OR9Q1: variants seen among roughly 807,000 people sequenced by gnomAD.
The protein encoded by OR9Q1 is olfactory receptor 9Q1.
For synonymous variants in OR9Q1, 153 were observed against 148.6 expected (o/e 1.03, Z -0.22); for missense variants, 374 against 378.8 (o/e 0.99, Z 0.11).
chr11:58,137,906 C>T (rs1219085255), intron 2 of OR9Q1, among the ~76,000 whole-genome samples: 1 of 152,170 alleles, frequency 6.6e-6, no homozygotes, highest in Non-Finnish European at 1.5e-5. Context: ...CATAGATACT[C>T]TTTTCCTCTG....
At chr11:58,111,591 G>T (rs1853899505) in intron 2 of OR9Q1, among the ~76,000 whole-genome samples, 1 of 152,124 alleles carries the variant, frequency 6.6e-6, no homozygotes, top group Admixed American at 6.5e-5. Flanking sequence ...GGAGTGGCCA[G>T]TACATAAATT....
chr11:58,129,949 G>A (rs1000142453), intron 2 of OR9Q1, among the ~76,000 whole-genome samples: 3 of 151,826 alleles, frequency 2.0e-5, no homozygotes, highest in Non-Finnish European at 4.4e-5. Context: ...TAAGTTCTGG[G>A]ATACATATGC....
At chr11:58,166,128 A>G (rs1318186353) in intron 2 of OR9Q1, among the ~76,000 whole-genome samples, 1 of 152,260 alleles carries the variant, frequency 6.6e-6, no homozygotes, top group Non-Finnish European at 1.5e-5. Context: ...CATTGAGTGC[A>G]CAGCCTAGGA....
chr11:58,024,848 A>T lies in OR9Q1; in HGVS notation c.-93+744A>T, dbSNP rs1367184160. 4.6e-5 allele frequency among the ~76,000 whole-genome samples: 7 copies of T among 152,084 alleles called. No individual in the cohort carries two copies. The East Asian group carries it at 1.4e-3, about 30-fold the overall frequency. On this transcript the variant is annotated intron_variant, in intron 1 of 2. Transcript: ENST00000335397. ...TTGGCGGGGCTCCGAGCTGCAGGGA[A>T]ATTAACCTCAGAGTCAGGGCAGGGA...
chr11:58,138,819 T>G (rs1311582077), intron 2 of OR9Q1, among the ~76,000 whole-genome samples: 1 of 152,214 alleles, frequency 6.6e-6, no homozygotes, highest in Non-Finnish European at 1.5e-5. Context: ...GAAATATACA[T>G]TATTAATAAC....
intron 2 of OR9Q1, among the ~76,000 whole-genome samples, chr11:58,148,054 A>G (rs955958891): frequency 1.3e-5 from 2 of 152,148 alleles, no homozygotes; most frequent in African/African-American, 4.8e-5. Flanking sequence ...GGAAAGATGA[A>G]GAAAGCAGAT....
At chr11:58,069,443 C>A (rs1003464201) in intron 2 of OR9Q1, among the ~76,000 whole-genome samples, 1 of 152,132 alleles carries the variant, frequency 6.6e-6, no homozygotes, top group Non-Finnish European at 1.5e-5. Context: ...GATTGTGGCT[C>A]TCTTGCCCTG....
At chr11:58,059,570 CCTGTAATTCCAG>C (rs1360275790) in intron 2 of OR9Q1, among the ~76,000 whole-genome samples, 1 of 150,968 alleles carries the variant, frequency 6.6e-6, no homozygotes, top group Non-Finnish European at 1.5e-5. Context: ...GTGGCGCATG[CCTGTAATTCCAG>C]TTACTTGAGG....
At chr11:58,085,505 T>C (rs1460565173) in intron 2 of OR9Q1, among the ~76,000 whole-genome samples, 1 of 151,828 alleles carries the variant, frequency 6.6e-6, no homozygotes, top group Non-Finnish European at 1.5e-5. Flanking sequence ...TTTCTATAAG[T>C]TATTCATCTT....
chr11:58,094,789 C>T (rs1343833454), intron 2 of OR9Q1, among the ~76,000 whole-genome samples: 1 of 152,130 alleles, frequency 6.6e-6, no homozygotes, highest in Non-Finnish European at 1.5e-5. Context: ...AATGAAAAGT[C>T]ATGGTTCACA....
intron 2 of OR9Q1, among the ~76,000 whole-genome samples, chr11:58,057,999 G>A (rs1853343884): frequency 6.6e-6 from 1 of 152,182 alleles, no homozygotes; most frequent in Non-Finnish European, 1.5e-5. Flanking sequence ...CCCATATTGA[G>A]ATTTGAGCCC....
chr11:58,173,862 A>G (rs910751532), intron 2 of OR9Q1, among the ~76,000 whole-genome samples: 42 of 152,280 alleles, frequency 2.8e-4, no homozygotes, highest in Non-Finnish European at 4.9e-4. Flanking sequence ...GGGCAGACAT[A>G]TGACTTGTCT....
At chr11:58,096,928 T>C (rs1232208376) in intron 2 of OR9Q1, among the ~76,000 whole-genome samples, 1 of 152,160 alleles carries the variant, frequency 6.6e-6, no homozygotes, top group Non-Finnish European at 1.5e-5. Context: ...CGTCTCGAAC[T>C]CCTGACCTCA....
chr11:58,099,753 CCTTT>C (rs1853766297), intron 2 of OR9Q1, among the ~76,000 whole-genome samples: 1 of 152,108 alleles, frequency 6.6e-6, no homozygotes, highest in South Asian at 2.1e-4. Flanking sequence ...CTGGGAATTT[CCTTT>C]CTATTTGTCA....
At chr11:58,053,848 C>G (rs1371957354) in intron 1 of OR9Q1, among the ~76,000 whole-genome samples, 1 of 151,672 alleles carries the variant, frequency 6.6e-6, no homozygotes, top group Non-Finnish European at 1.5e-5. Context: ...CAATATTTCC[C>G]CATCTCCTTC....
In OR9Q1 at chr11:58,082,940, C is replaced by T. The variant is rs572710680; in HGVS notation, c.-15+26993C>T. 2.0e-5 allele frequency among the ~76,000 whole-genome samples: 3 copies of T among 149,886 alleles called. No homozygotes were observed. In the East Asian group the frequency reaches 6.1e-4, roughly 31 times the overall value. On this transcript the variant is annotated intron_variant, in intron 2 of 2. Transcript: ENST00000335397. ...AGGTATATCTCCTAAAGCTATCCCT[C>T]CCCCCTTCCCCCACCCCACAACAGT...
At chr11:58,097,880 G>A (rs1346826394) in intron 2 of OR9Q1, among the ~76,000 whole-genome samples, 2 of 152,170 alleles carry the variant, frequency 1.3e-5, no homozygotes, top group Non-Finnish European at 2.9e-5. Flanking sequence ...TTCAATTTGT[G>A]TAAAATTGTA....
At chr11:58,148,661 T>A (rs1006850090) in intron 2 of OR9Q1, among the ~76,000 whole-genome samples, 1 of 152,192 alleles carries the variant, frequency 6.6e-6, no homozygotes, top group African/African-American at 2.4e-5. Context: ...AGGTTTTTCC[T>A]GGTGATGGAA....
At chr11:58,053,632 A>ATATATATATATATATTATATATATAT (rs1853295297) in intron 1 of OR9Q1, among the ~76,000 whole-genome samples, 1 of 118,684 alleles carries the variant, frequency 8.4e-6, no homozygotes, top group South Asian at 2.5e-4. Context: ...TATATAAAAT[A>ATATATATATATATATTATATATATAT]TATATATATA....
Sources: allele counts gnomAD v4.1 joint callset (sites outside exome capture counted in the v4.1 genomes callset), GRCh38; gene constraint gnomAD v4.1.1; transcripts MANE v1.5; gene names NCBI Gene and HGNC (gene_info 2026-07-23, HGNC 2026-07-21).